PCDHGA8: variants seen among roughly 807,000 people sequenced by gnomAD.
PCDHGA8 encodes the protein protocadherin gamma-A8.
In PCDHGA8, 45 loss-of-function variants were observed where a neutral mutation model predicts 59.2. The ratio of observed to expected loss-of-function variants is 0.76; its 90% CI spans 0.60 to 0.98. The LOEUF (loss-of-function observed/expected upper bound fraction) is 0.98. PCDHGA8 is among the 50% of genes least tolerant of loss of function. PCDHGA8 has a pLI of 0.00. For synonymous variants in PCDHGA8, 531 were observed against 519.0 expected (o/e 1.02, Z -0.32); for missense variants, 1,257 against 1,196.2 (o/e 1.05, Z -0.75).
In PCDHGA8 at chr5:141,485,368, G is replaced by T. The variant is rs2154580406; in HGVS notation, c.2425-9439G>T. On this transcript the variant is annotated intron_variant, in intron 1 of 3. Coordinates refer to ENST00000398604, the MANE Select transcript of PCDHGA8 (RefSeq NM_032088.2). This position sits in a 1 kb window ranked among gnomAD's most constrained non-coding sequence, Gnocchi z 5.7. Reference sequence around the variant, plus strand: ...ACAGTCTGTCAGCTCGCAGGCTGCAGGTCGCTGGAGAGGTGAACCAAAGAC... The same window carrying T: ...ACAGTCTGTCAGCTCGCAGGCTGCATGTCGCTGGAGAGGTGAACCAAAGAC... The T allele has an allele frequency of 6.2e-7, 1 of 1,614,144 alleles. No individual in the cohort carries two copies. The highest frequency in any genetic ancestry group is 2.2e-5 in the East Asian group (1 of 44,866).
intron 1 of PCDHGA8, 144 bp downstream of exon 1, chr5:141,395,381 A>T (rs562557513): frequency 2.7e-6 from 3 of 1,094,770 alleles, no homozygotes; most frequent in Non-Finnish European, 3.8e-6. Flanking sequence ...TGGTGTTACT[A>T]TAAAATTGAA....
At chr5:141,507,724 G>A (rs2099862962) in intron 3 of PCDHGA8, among the ~76,000 whole-genome samples, 1 of 152,256 alleles carries the variant, frequency 6.6e-6, no homozygotes. Context: ...CTCCAAGCAA[G>A]TCATGCAGCT....
intron 1 of PCDHGA8, among the ~76,000 whole-genome samples, chr5:141,449,229 A>G (rs1356585763): frequency 1.3e-5 from 2 of 152,142 alleles, no homozygotes; most frequent in South Asian, 2.1e-4. Context: ...AATGATTTCA[A>G]ATTTTCAAAG....
At position 141,395,186 on chromosome 5, in the gene PCDHGA8, G is replaced by C; in HGVS notation, c.2373G>C (p.Leu791Phe). ...AGGGCTGTGAGAAAAATGATTCTTT[G>C]TTAACATCCGTAGATTTTCATGAAT... ...SQEGCEKNDS[L>F]LTSVDFHEYK... Residue 791 changes from leucine (L) to phenylalanine (F), a missense_variant, in exon 1 of 4, where the codon TTG becomes TTC. Physicochemically the swap from Leu to Phe is conservative, Grantham distance 22. Coordinates refer to ENST00000398604, the MANE Select transcript of PCDHGA8 (RefSeq NM_032088.2). 6.2e-7 allele frequency: 1 copy of C among 1,614,086 alleles called. No homozygotes were observed. The highest frequency in any genetic ancestry group is 8.5e-7 in the Non-Finnish European group (1 of 1,179,976).
At position 141,490,448 on chromosome 5, in the gene PCDHGA8, A is replaced by C. The variant is rs1309104827; in HGVS notation, c.2425-4359A>C. 1 of 1,614,206 alleles carries C rather than the reference A, an allele frequency of 6.2e-7. No homozygotes were observed. Among genetic ancestry groups the C allele is most frequent in the Admixed American group, 1.7e-5 (1 of 60,030 alleles). ...TTTCAGATTAAGCCTTCTGAGAACC[A>C]CTACTCGCTGCTAACCAGCCAGCCT... is the stretch of plus-strand genomic sequence containing the variant. On this transcript the variant is annotated intron_variant, in intron 1 of 3. Coordinates refer to ENST00000398604, the MANE Select transcript of PCDHGA8 (RefSeq NM_032088.2). This position sits in a 1 kb window ranked among gnomAD's most constrained non-coding sequence, Gnocchi z 5.4.
chr5:141,486,170 C>T lies in PCDHGA8; in HGVS notation c.2425-8637C>T, dbSNP rs759946548. The stretch of plus-strand genomic sequence containing the variant: ...TGGGGGTTCTCCAGCCATGGAGCAA[C>T]ATTGCAGCCTTCGAGTGGATCTGCT... On this transcript the variant is annotated intron_variant, in intron 1 of 3. Coordinates refer to ENST00000398604, the MANE Select transcript of PCDHGA8 (RefSeq NM_032088.2). This position sits in a 1 kb window ranked among gnomAD's most constrained non-coding sequence, Gnocchi z 5.0. The T allele has an allele frequency of 1.5e-5, 24 of 1,614,116 alleles. No individual in the cohort carries two copies. Among genetic ancestry groups the T allele is most frequent in the South Asian group, 4.4e-5 (4 of 91,090 alleles).
At chr5:141,414,629 G>A (rs2095766704) in intron 1 of PCDHGA8, 2 of 1,613,882 alleles carry the variant, frequency 1.2e-6, no homozygotes, top group Non-Finnish European at 1.7e-6. Context: ...GACCCGGACA[G>A]CAAAGAGAAT....
chr5:141,490,045 C>G lies in PCDHGA8; in HGVS notation c.2425-4762C>G, dbSNP rs530803072. 6 of 1,614,114 alleles carry G rather than the reference C, an allele frequency of 3.7e-6. No individual in the cohort carries two copies. The highest frequency in any genetic ancestry group is 5.1e-6 in the Non-Finnish European group (6 of 1,180,014). On this transcript the variant is annotated intron_variant, in intron 1 of 3. Coordinates refer to ENST00000398604, the MANE Select transcript of PCDHGA8 (RefSeq NM_032088.2). This position sits in a 1 kb window ranked among gnomAD's most constrained non-coding sequence, Gnocchi z 5.4. ...GCTGCTCCGCCTCAATGCCACTGAT[C>G]CAGACGAGGGCACCAACGGCCAACT...
At position 141,395,124 on chromosome 5, in the gene PCDHGA8, C is replaced by T; in HGVS notation, c.2311C>T (p.Pro771Ser). 1.2e-6 allele frequency: 2 copies of T among 1,614,194 alleles called. No individual in the cohort carries two copies. Among genetic ancestry groups the T allele is most frequent in the Non-Finnish European group, 1.7e-6 (2 of 1,180,040 alleles). ...ADSRKSHLIF[P>S]QPNYADMLIS... ...CTCGCGGAAGAGTCACCTGATCTTT[C>T]CCCAGCCCAACTACGCAGACATGCT... is the stretch of plus-strand genomic sequence containing the variant. The change falls in exon 1 of 4, where the codon CCC (proline) becomes TCC (serine). Residue 771 changes from proline (P) to serine (S), a missense_variant. Pro to Ser is a moderately conservative substitution (Grantham distance 74). Coordinates refer to ENST00000398604, the MANE Select transcript of PCDHGA8 (RefSeq NM_032088.2).
rs369851570 is a variant in PCDHGA8, at chr5:141,408,393, G to T, written c.2424+13156G>T. 1.7e-5 allele frequency: 28 copies of T among 1,613,918 alleles called. No individual in the cohort carries two copies. In the Admixed American group the frequency reaches 2.2e-4, roughly 12 times the overall value. On this transcript the variant is annotated intron_variant, in intron 1 of 3. Coordinates refer to ENST00000398604, the MANE Select transcript of PCDHGA8 (RefSeq NM_032088.2). Reference sequence around the variant, plus strand: ...CTCAGTGTCCTGGATGTGTCGGCTCGCAAGCTGCGAGTGAGCGCGGAGAAG... The same window carrying T: ...CTCAGTGTCCTGGATGTGTCGGCTCTCAAGCTGCGAGTGAGCGCGGAGAAG...
In PCDHGA8 at chr5:141,490,275, C is replaced by A; in HGVS notation, c.2425-4532C>A. 6.2e-7 allele frequency: 1 copy of A among 1,614,238 alleles called. No individual in the cohort carries two copies. The highest frequency in any genetic ancestry group is 8.5e-7 in the Non-Finnish European group (1 of 1,180,044). On this transcript the variant is annotated intron_variant, in intron 1 of 3. Transcript: ENST00000398604. The surrounding 1 kb of genome is among the most constrained non-coding windows in gnomAD (Gnocchi z 5.4). Reference sequence around the variant, plus strand: ...AAGTGGATGTGGGGGATGTCAATGACAATGCCCCAGAGGTGCTATTGGCCT... The same window carrying A: ...AAGTGGATGTGGGGGATGTCAATGAAAATGCCCCAGAGGTGCTATTGGCCT...
intron 1 of PCDHGA8, chr5:141,478,239 C>T: frequency 1.2e-6 from 2 of 1,614,132 alleles, no homozygotes; most frequent in Non-Finnish European, 1.7e-6. Context: ...TTTGTGGTCA[C>T]AGTGTTCGGA....
At chr5:141,420,546 G>A in intron 1 of PCDHGA8, 1 of 284,254 alleles carries the variant, frequency 3.5e-6, no homozygotes, top group South Asian at 1.2e-4. Context: ...ATAAAATACA[G>A]GTATATTTTT....
chr5:141,451,163 G>A (rs2098709493), intron 1 of PCDHGA8, among the ~76,000 whole-genome samples: 1 of 152,086 alleles, frequency 6.6e-6, no homozygotes, highest in African/African-American at 2.4e-5. Flanking sequence ...TTTTTTGGTA[G>A]TATATTATTT....
intron 1 of PCDHGA8, among the ~76,000 whole-genome samples, chr5:141,444,786 T>C (rs1252217349): frequency 6.6e-6 from 1 of 152,226 alleles, no homozygotes; most frequent in Non-Finnish European, 1.5e-5. Context: ...CATGTTTCAT[T>C]TGTCTATTCT....
intron 1 of PCDHGA8, among the ~76,000 whole-genome samples, chr5:141,463,809 T>G (rs964935762): frequency 1.3e-5 from 2 of 152,216 alleles, no homozygotes; most frequent in African/African-American, 4.8e-5. Context: ...TAAAAGCTTT[T>G]ATCACACATT....
chr5:141,399,991 G>A (rs1226741326), intron 1 of PCDHGA8: 1 of 1,612,422 alleles, frequency 6.2e-7, no homozygotes. Context: ...CACAGGAGAG[G>A]TGCGCACAGC....
chr5:141,466,090 C>A (rs983505253), intron 1 of PCDHGA8, among the ~76,000 whole-genome samples: 2 of 152,068 alleles, frequency 1.3e-5, no homozygotes, highest in African/African-American at 4.8e-5. Context: ...CCACTGCACT[C>A]CAGCCTGGGC....
Position 141,511,400 on chromosome 5 carries a change from T to C in PCDHGA8, c.*227T>C. The C allele has an allele frequency of 2.0e-6, 2 of 982,250 alleles. No individual in the cohort carries two copies. Among genetic ancestry groups the C allele is most frequent in the Non-Finnish European group, 2.9e-6 (2 of 688,054 alleles). The allele number at this position is 982,250 out of a possible 1,614,324, so 60.8% of individuals were successfully genotyped here. On this transcript the variant is annotated 3_prime_UTR_variant, in exon 4 of 4. Coordinates refer to ENST00000398604, the MANE Select transcript of PCDHGA8 (RefSeq NM_032088.2). ...AGTTCCGCTGGGAACCCCCATCCAA[T>C]CAACTGCTGTACCCATGGGGGTAGT...
Sources: allele counts gnomAD v4.1 joint callset (sites outside exome capture counted in the v4.1 genomes callset), GRCh38; gene constraint gnomAD v4.1.1; non-coding constraint Gnocchi (gnomAD v3.1); transcripts MANE v1.5; gene names NCBI Gene and HGNC (gene_info 2026-07-23, HGNC 2026-07-21).